Variants in DNAAF5 observed in about 807,000 individuals in gnomAD.
The protein encoded by DNAAF5 is dynein axonemal assembly factor 5.
Under a neutral mutation model 75.8 loss-of-function variants are expected in DNAAF5, and 64 were observed. The ratio of observed to expected loss-of-function variants is 0.84; its 90% confidence interval spans 0.69 to 1.04. The LOEUF is 1.04. DNAAF5 is among the 50% of genes least tolerant of loss of function. DNAAF5 has a pLI of 0.00. For missense variants in DNAAF5, 1,269 were observed against 1,178.5 expected (o/e 1.08, Z -1.12); for synonymous variants, 657 against 557.2 (o/e 1.18, Z -2.52).
chr7:740,067 G>A (rs556966620), intron 2 of DNAAF5, among the ~76,000 whole-genome samples: 5 of 152,212 alleles, frequency 3.3e-5, no homozygotes, highest in East Asian at 1.9e-4. Context: ...TCTGTAGCTC[G>A]TTCACACCCC....
intron 4 of DNAAF5, among the ~76,000 whole-genome samples, chr7:744,075 G>A (rs1159115194): frequency 1.3e-5 from 2 of 151,948 alleles, no homozygotes; most frequent in Non-Finnish European, 2.9e-5. Context: ...ATCTCCTAAT[G>A]CTATCCCTCC....
At chr7:757,034 C>A (rs1782507854) in intron 6 of DNAAF5, 40 bp downstream of exon 6, 1 of 1,547,398 alleles carries the variant, frequency 6.5e-7, no homozygotes, top group East Asian at 2.3e-5. Flanking sequence ...AGAGGAGGAG[C>A]CTCCCCTGCC....
chr7:743,945 T>G (rs1042045702), intron 4 of DNAAF5, among the ~76,000 whole-genome samples: 26 of 150,816 alleles, frequency 1.7e-4, no homozygotes, highest in Non-Finnish European at 8.9e-5. Context: ...TATTTTATTT[T>G]ATTATTATTA....
intron 7 of DNAAF5, 134 bp downstream of exon 7, chr7:762,030 C>A: frequency 5.0e-6 from 1 of 198,926 alleles, no homozygotes; most frequent in Non-Finnish European, 8.0e-6. Context: ...GAGAACCTTG[C>A]GGGTGAGTCC....
chr7:758,029 G>C (rs750459063), intron 6 of DNAAF5, among the ~76,000 whole-genome samples: 1 of 152,242 alleles, frequency 6.6e-6, no homozygotes, highest in Non-Finnish European at 1.5e-5. Flanking sequence ...GGAATACATA[G>C]AGGGAAGGAA....
intron 4 of DNAAF5, among the ~76,000 whole-genome samples, chr7:741,858 A>T (rs780586193): frequency 3.9e-4 from 59 of 152,018 alleles, no homozygotes; most frequent in Non-Finnish European, 6.8e-4. Context: ...AAACAGTGGG[A>T]TGAGGGGCTT....
At chr7:740,533 G>C (rs922601679) in intron 2 of DNAAF5, among the ~76,000 whole-genome samples, 2 of 152,238 alleles carry the variant, frequency 1.3e-5, no homozygotes, top group African/African-American at 4.8e-5. Context: ...ACCAGGCCGG[G>C]GCACGGGGTA....
In DNAAF5 at chr7:736,942, A is replaced by G. The variant is rs535370342; in HGVS notation, c.781-3877A>G. On this transcript the variant is annotated intron_variant, in intron 2 of 12. Coordinates refer to ENST00000297440, the MANE Select transcript of DNAAF5 (RefSeq NM_017802.4). ...CATTATTTTAAACTGATAGCTGAAC[A>G]CTGATTCCAAAAACAAGCAAGCCAA... Among the ~76,000 whole-genome samples, 55 of 152,276 alleles carry G rather than the reference A, an allele frequency of 3.6e-4. No homozygotes were observed. In the South Asian group the frequency reaches 0.011, roughly 31 times the overall value.
chr7:767,763 A>G (rs1373884190), intron 8 of DNAAF5, among the ~76,000 whole-genome samples: 44 of 131,724 alleles, frequency 3.3e-4, no homozygotes, highest in East Asian at 9.8e-4. Flanking sequence ...GAGACACGTG[A>G]TCCGGGCGGA....
intron 2 of DNAAF5, 147 bp downstream of exon 2, chr7:729,994 G>T: frequency 1.3e-6 from 1 of 752,104 alleles, no homozygotes; most frequent in Non-Finnish European, 2.1e-6. Context: ...GGACGTTCCT[G>T]TTCACATCTT....
At chr7:738,606 G>C (rs944665203) in intron 2 of DNAAF5, among the ~76,000 whole-genome samples, 1 of 151,992 alleles carries the variant, frequency 6.6e-6, no homozygotes, top group Non-Finnish European at 1.5e-5. Context: ...AAAACGTCCT[G>C]CTTTTTTAAA....
At chr7:756,227 G>A (rs569575810) in intron 5 of DNAAF5, among the ~76,000 whole-genome samples, 1 of 149,048 alleles carries the variant, frequency 6.7e-6, no homozygotes, top group East Asian at 2.0e-4. Context: ...AGGGGCTGGT[G>A]TGTGGTGTCC....
intron 8 of DNAAF5, among the ~76,000 whole-genome samples, chr7:767,797 C>G (rs1481604710): frequency 2.7e-5 from 4 of 150,440 alleles, no homozygotes; most frequent in Non-Finnish European, 4.4e-5. Context: ...CCAGCAGGAG[C>G]TCCCGCTGGG....
intron 8 of DNAAF5, among the ~76,000 whole-genome samples, chr7:767,238 C>CAA (rs936022330): frequency 0.018 from 1,179 of 66,360 alleles, 27 homozygotes; most frequent in African/African-American, 0.06. Flanking sequence ...GACTCGGTCT[C>CAA]AAAAAAAAAA....
intron 2 of DNAAF5, among the ~76,000 whole-genome samples, chr7:731,462 C>G (rs1199214808): frequency 3.3e-5 from 5 of 152,174 alleles, no homozygotes; most frequent in African/African-American, 1.2e-4. Flanking sequence ...AACTATGTGT[C>G]GACAGCTGCC....
chr7:771,811 A>G (rs1404973016), intron 9 of DNAAF5: 1 of 152,252 alleles, frequency 6.6e-6, no homozygotes, highest in Non-Finnish European at 1.5e-5. Context: ...TTAACTCTGC[A>G]GAGCACAGTT....
intron 6 of DNAAF5, among the ~76,000 whole-genome samples, chr7:757,487 G>T (rs968056658): frequency 1.3e-5 from 2 of 152,148 alleles, no homozygotes; most frequent in Admixed American, 6.5e-5. Flanking sequence ...GTCCTCAGGG[G>T]GCACTGACAG....
intron 7 of DNAAF5, 116 bp downstream of exon 7, chr7:762,012 C>T: frequency 8.5e-7 from 1 of 1,182,752 alleles, no homozygotes; most frequent in Non-Finnish European, 1.2e-6. Context: ...CAGCAAAGAC[C>T]AGGGATTGAG....
intron 9 of DNAAF5, 79 bp downstream of exon 9, chr7:770,697 A>T (rs1583513449): frequency 1.4e-6 from 2 of 1,393,982 alleles, no homozygotes; most frequent in Non-Finnish European, 2.0e-6. Flanking sequence ...CCAACAGCTC[A>T]CTGAGCAAGG....
Sources: gnomAD v4.1 joint callset for allele counts (sites outside exome capture counted in the v4.1 genomes callset) on GRCh38, gnomAD v4.1.1 for gene constraint, MANE v1.5 for transcripts, NCBI Gene and HGNC (gene_info 2026-07-23, HGNC 2026-07-21) for gene names.